Variants in MGAT4C observed in about 807,000 individuals in gnomAD.
The protein encoded by MGAT4C is MGAT4 family member C.
A neutral mutation model predicts 40.1 loss-of-function variants in MGAT4C; 19 were observed. The observed-to-expected ratio is 0.47, with a 90% CI of 0.33 to 0.70. MGAT4C has a LOEUF of 0.70. Ranked by LOEUF, MGAT4C falls within the 30% of genes least tolerant of loss-of-function variation. The pLI, the probability that MGAT4C is intolerant of heterozygous loss-of-function variation, is 0.02. For synonymous variants in MGAT4C, 181 were observed against 187.1 expected, an observed-to-expected ratio of 0.97 and a Z score of 0.27; for missense variants, 491 against 563.2, an observed-to-expected ratio of 0.87 and a Z score of 1.30.
At chr12:86,043,095 A>AT (rs1892036131) in intron 2 of MGAT4C, among the ~76,000 whole-genome samples, 1 of 151,960 alleles carries the variant, frequency 6.6e-6, no homozygotes. Context: ...GGTTCTCTGC[A>AT]TTTTCTGAAT....
intron 1 of MGAT4C, among the ~76,000 whole-genome samples, chr12:86,189,128 G>A (rs372978341): frequency 1.4e-3 from 209 of 151,866 alleles, no homozygotes; most frequent in Middle Eastern, 3.4e-3. Flanking sequence ...TCTAGAAATA[G>A]CGTTGATTTT....
chr12:86,217,831 A>C (rs1274308468), intron 1 of MGAT4C, among the ~76,000 whole-genome samples: 1 of 152,176 alleles, frequency 6.6e-6, no homozygotes, highest in Non-Finnish European at 1.5e-5. Flanking sequence ...AAGAATGACT[A>C]TTGTTTCAAA....
chr12:86,514,199 T>C (rs1027694094), intron 2 of MGAT4C, among the ~76,000 whole-genome samples: 1 of 152,010 alleles, frequency 6.6e-6, no homozygotes, highest in African/African-American at 2.4e-5. Flanking sequence ...TTTAGTTAAC[T>C]GAGCAGAAAT....
At chr12:86,723,473 T>G (rs536916765) in intron 2 of MGAT4C, among the ~76,000 whole-genome samples, 4 of 152,316 alleles carry the variant, frequency 2.6e-5, no homozygotes, top group African/African-American at 9.6e-5. Flanking sequence ...CTCCTGGTTT[T>G]GGCAGCCTCG....
At chr12:86,200,110 A>T (rs993049206) in intron 1 of MGAT4C, among the ~76,000 whole-genome samples, 7 of 141,684 alleles carry the variant, frequency 4.9e-5, no homozygotes, top group Admixed American at 2.2e-4. Context: ...TCACAATGGC[A>T]CAAATAGTAT....
chr12:86,784,027 A>G (rs4589364), intron 1 of MGAT4C, among the ~76,000 whole-genome samples: 109,091 of 151,962 alleles, frequency 0.72, 40,982 homozygotes, highest in South Asian at 0.84. Flanking sequence ...GTACATGTAT[A>G]TTAAGGTCTT....
At chr12:86,024,729 C>A (rs149766544) in intron 2 of MGAT4C, among the ~76,000 whole-genome samples, 2 of 151,818 alleles carry the variant, frequency 1.3e-5, no homozygotes, top group African/African-American at 4.8e-5. Context: ...CTACAGCCTA[C>A]TCCCAATGAG....
At chr12:86,060,455 C>T (rs10863157) in intron 1 of MGAT4C, among the ~76,000 whole-genome samples, 17,439 of 151,790 alleles carry the variant, frequency 0.11, 1,499 homozygotes, top group African/African-American at 0.24. Context: ...GCTATTTAGT[C>T]GTATCATGAT....
chr12:86,611,348 G>A (rs1486898968), intron 2 of MGAT4C, among the ~76,000 whole-genome samples: 1 of 151,946 alleles, frequency 6.6e-6, no homozygotes, highest in South Asian at 2.1e-4. Context: ...ACGTATGATA[G>A]ATAGACAGGC....
chr12:86,584,763 A>G (rs1011487255), intron 2 of MGAT4C, among the ~76,000 whole-genome samples: 1 of 151,368 alleles, frequency 6.6e-6, no homozygotes, highest in African/African-American at 2.4e-5. Flanking sequence ...TGATTGCAAC[A>G]CTGAATATCA....
intron 2 of MGAT4C, among the ~76,000 whole-genome samples, chr12:86,032,704 T>C (rs1386978840): frequency 2.0e-5 from 3 of 149,818 alleles, no homozygotes; most frequent in African/African-American, 4.8e-5. Context: ...TTTTCTACCA[T>C]TTTTTGGTTG....
chr12:86,123,030 TG>T (rs1879672272), intron 1 of MGAT4C, among the ~76,000 whole-genome samples: 6 of 152,196 alleles, frequency 3.9e-5, no homozygotes, highest in Admixed American at 3.9e-4. Flanking sequence ...GTATTAGTCA[TG>T]ATTAAGTCAT....
intron 3 of MGAT4C, among the ~76,000 whole-genome samples, chr12:86,427,089 A>C (rs1298074395): frequency 6.6e-6 from 1 of 152,180 alleles, no homozygotes; most frequent in Non-Finnish European, 1.5e-5. Flanking sequence ...GGGGAAAGAA[A>C]GGCCATCACA....
Position 86,183,609 on chromosome 12 carries a change from G to T in MGAT4C, c.-57+72630C>A, listed in dbSNP as rs371449801. Among the ~76,000 whole-genome samples the T allele has an allele frequency of 5.9e-5, 9 of 152,262 alleles. No homozygotes were observed. In the South Asian group the frequency reaches 1.9e-3, roughly 32 times the overall value. The stretch of plus-strand genomic sequence containing the variant: ...CATAAATTGAGTGGTGTAAACAACA[G>T]AAATTTACTTCCCCCAGTTCTAGAG... On this transcript the variant is annotated intron_variant, in intron 1 of 4. Transcript: ENST00000611864.
At chr12:86,202,620 C>G (rs545682531) in intron 1 of MGAT4C, among the ~76,000 whole-genome samples, 1 of 152,020 alleles carries the variant, frequency 6.6e-6, no homozygotes, top group Non-Finnish European at 1.5e-5. Flanking sequence ...TCTCCTAGAA[C>G]CACACTCATT....
Position 86,679,605 on chromosome 12 carries a change from G to C in MGAT4C, c.-229+47604C>G, listed in dbSNP as rs904087260. Reference sequence around the variant, plus strand: ...ATATTAGGAGGTGGGGCCATTTGGAGGTGATTAAGTCATGAGCAGAGCCTT... The same window carrying C: ...ATATTAGGAGGTGGGGCCATTTGGACGTGATTAAGTCATGAGCAGAGCCTT... On this transcript the variant is annotated intron_variant, in intron 2 of 7. Coordinates refer to the MGAT4C transcript ENST00000548651. Among the ~76,000 whole-genome samples, 3 of 152,180 alleles carry C rather than the reference G, an allele frequency of 2.0e-5. No individual in the cohort carries two copies. The South Asian group carries it at 6.2e-4, about 32-fold the overall frequency.
intron 2 of MGAT4C, among the ~76,000 whole-genome samples, chr12:86,495,002 T>C (rs901059852): frequency 9.9e-5 from 15 of 152,192 alleles, no homozygotes; most frequent in African/African-American, 2.9e-4. Context: ...AAAAATCTAG[T>C]GATTCTACTT....
At chr12:86,676,545 T>A (rs1271392944) in intron 2 of MGAT4C, among the ~76,000 whole-genome samples, 1 of 152,144 alleles carries the variant, frequency 6.6e-6, no homozygotes. Context: ...TTTAAGGAAA[T>A]ACTGATGCTA....
At chr12:86,338,149 G>A (rs1325259018) in intron 3 of MGAT4C, among the ~76,000 whole-genome samples, 2 of 152,060 alleles carry the variant, frequency 1.3e-5, no homozygotes, top group East Asian at 3.9e-4. Context: ...CAGTCTCCCC[G>A]AACATTCGGG....
Sources: gnomAD v4.1 joint callset for allele counts (sites outside exome capture counted in the v4.1 genomes callset) on GRCh38, gnomAD v4.1.1 for gene constraint, MANE v1.5 for transcripts, NCBI Gene and HGNC (gene_info 2026-07-23, HGNC 2026-07-21) for gene names.